Variants in SMURF1 observed in about 807,000 individuals in gnomAD.
The protein encoded by SMURF1 is SMAD specific E3 ubiquitin protein ligase 1.
SMURF1 carries 44 observed loss-of-function variants against 98.0 expected under a neutral mutation model. The ratio of observed to expected loss-of-function variants is 0.45; its 90% confidence interval spans 0.35 to 0.58. The LOEUF is 0.58. Among genes scored for constraint, SMURF1 ranks in the 20% least tolerant of loss-of-function variants. SMURF1 has a pLI of 0.00. For missense variants in SMURF1, 687 were observed against 938.4 expected (o/e 0.73, Z 3.50); for synonymous variants, 396 against 374.9 (o/e 1.06, Z -0.65).
chr7:99,113,305 C>T (rs959072843), intron 1 of SMURF1, among the ~76,000 whole-genome samples: 3 of 152,114 alleles, frequency 2.0e-5, no homozygotes, highest in African/African-American at 4.8e-5. Context: ...ATGTAGAAGG[C>T]ATCCTCAATA....
chr7:99,091,634 T>C (rs1796814536), intron 1 of SMURF1, among the ~76,000 whole-genome samples: 1 of 152,176 alleles, frequency 6.6e-6, no homozygotes, highest in African/African-American at 2.4e-5. Context: ...AGACCCTCTT[T>C]CCAGATGGTT....
chr7:99,054,548 C>T (rs1266916144), intron 6 of SMURF1, among the ~76,000 whole-genome samples: 2 of 151,788 alleles, frequency 1.3e-5, no homozygotes, highest in African/African-American at 4.8e-5. Flanking sequence ...CCTCGTGATC[C>T]ACCTGCCTCG....
At chr7:99,063,265 A>T (rs1371229924) in intron 1 of SMURF1, among the ~76,000 whole-genome samples, 9 of 8,178 alleles carry the variant, frequency 1.1e-3, no homozygotes, top group Middle Eastern at 0.056. Context: ...ATATATATAT[A>T]TATATATATA....
At chr7:99,108,911 TA>T (rs1402124019) in intron 1 of SMURF1, among the ~76,000 whole-genome samples, 1 of 152,198 alleles carries the variant, frequency 6.6e-6, no homozygotes, top group African/African-American at 2.4e-5. Context: ...GATATTAAGC[TA>T]ATGCATCGTG....
intron 3 of SMURF1, among the ~76,000 whole-genome samples, chr7:99,059,106 A>T (rs1037318440): frequency 1.3e-5 from 2 of 151,892 alleles, no homozygotes; most frequent in African/African-American, 4.8e-5. Context: ...AATTTAATTT[A>T]AAAATAAAAT....
rs571489596 is a variant in SMURF1, at chr7:99,083,507, T to A, written c.56-21670A>T. Among the ~76,000 whole-genome samples the A allele has an allele frequency of 7.2e-5, 11 of 152,376 alleles. No homozygotes were observed. The East Asian group carries it at 2.1e-3, about 29-fold the overall frequency. ...TTTTGTAAATTATTCAATGGAATGT[T>A]GATGGAGTACATTTGGGATTCACAA... On this transcript the variant is annotated intron_variant, in intron 1 of 17. Coordinates refer to ENST00000361368, the MANE Select transcript of SMURF1 (RefSeq NM_181349.3).
chr7:99,049,674 G>C lies in SMURF1; in HGVS notation c.842C>G (p.Pro281Arg). ...TCTGACTTCCCAGCCTGGCGGCAGT[G>C]GTCCAAGTTCATCACAGTTCACACT... ...LNSVNCDELG[P>R]LPPGWEVRST... The change falls in exon 9 of 18, where the codon CCA (proline) becomes CGA (arginine). Residue 281 changes from proline to arginine, a missense_variant. Physicochemically the swap from Pro to Arg is moderately radical, Grantham distance 103 (BLOSUM62 -2). Around this residue, in one of 2 missense-constraint regions of SMURF1, gnomAD observed 415 missense variants for 508.4 expected, o/e 0.82. Coordinates refer to ENST00000361368, the MANE Select transcript of SMURF1 (RefSeq NM_181349.3). The C allele has an allele frequency of 6.2e-7, 1 of 1,614,104 alleles. No homozygotes were observed. Among genetic ancestry groups the C allele is most frequent in the Non-Finnish European group, 8.5e-7 (1 of 1,180,004 alleles).
chr7:99,062,050 C>G (rs903383449), intron 1 of SMURF1, among the ~76,000 whole-genome samples: 6 of 151,554 alleles, frequency 4.0e-5, no homozygotes, highest in Non-Finnish European at 1.5e-5. Flanking sequence ...ATACAAAATG[C>G]TTTAAACTAA....
chr7:99,141,519 G>T lies in SMURF1; in HGVS notation c.55+2207C>A, dbSNP rs574105733. 5.9e-5 allele frequency among the ~76,000 whole-genome samples: 9 copies of T among 152,110 alleles called. No homozygotes were observed. The South Asian group carries it at 1.9e-3, about 31-fold the overall frequency. On this transcript the variant is annotated intron_variant, in intron 1 of 17. Transcript: ENST00000361368. ...ACATAAATAAAAATGTATCTACATT[G>T]TATCTACAAAGTGAGAAGCGTTTCC...
intron 1 of SMURF1, among the ~76,000 whole-genome samples, chr7:99,143,109 G>A (rs941511443): frequency 6.7e-6 from 1 of 148,214 alleles, no homozygotes; most frequent in African/African-American, 2.5e-5. Flanking sequence ...GCTGGACGCA[G>A]GGAGAAGCGA....
chr7:99,094,705 G>A (rs900195865), intron 1 of SMURF1, among the ~76,000 whole-genome samples: 1 of 151,238 alleles, frequency 6.6e-6, no homozygotes, highest in Non-Finnish European at 1.5e-5. Context: ...GCAAGAAGCT[G>A]TATTTTAAGA....
chr7:99,097,609 G>A (rs1796984409), intron 1 of SMURF1, among the ~76,000 whole-genome samples: 1 of 152,076 alleles, frequency 6.6e-6, no homozygotes, highest in African/African-American at 2.4e-5. Flanking sequence ...CCCTGATATT[G>A]GACTACCCAG....
chr7:99,037,203 G>A lies in SMURF1; in HGVS notation c.1689-16C>T, dbSNP rs763087899. On this transcript the variant is annotated splice_polypyrimidine_tract_variant and intron_variant, in intron 14 of 17. Coordinates refer to ENST00000361368, the MANE Select transcript of SMURF1 (RefSeq NM_181349.3). ...TACATACAACCTGGAAGAAAAACTC[G>A]CAAGTTGGATGCAACACCAAGTGGA... 2.7e-5 allele frequency: 43 copies of A among 1,613,526 alleles called. No individual in the cohort carries two copies. The highest frequency in any genetic ancestry group is 1.3e-4 in the East Asian group (6 of 44,888).
At chr7:99,098,019 C>A (rs781337740) in intron 1 of SMURF1, among the ~76,000 whole-genome samples, 14 of 152,036 alleles carry the variant, frequency 9.2e-5, no homozygotes, top group Non-Finnish European at 1.8e-4. Context: ...CAGACAAAAC[C>A]CAAGTTAGCC....
At chr7:99,100,202 ATGT>A (rs1438951475) in intron 1 of SMURF1, among the ~76,000 whole-genome samples, 4 of 152,180 alleles carry the variant, frequency 2.6e-5, no homozygotes, top group Admixed American at 6.5e-5. Context: ...AAAAGGAAAG[ATGT>A]TGTACTCTAC....
In SMURF1 at chr7:99,144,015, AGCCGCCGCCGCCTCC is replaced by A; in HGVS notation, c.-250_-236del. ...CTGCTTCCAGCCGAGCCCAGTCCCGAGCCGCCGCCGCCTCCGCCGCCGCCTCCGCCGCCTCCACCA... is the reference window on the plus strand; with the variant it reads ...CTGCTTCCAGCCGAGCCCAGTCCCGAGCCGCCGCCTCCGCCGCCTCCACCA... On this transcript the variant is annotated 5_prime_UTR_variant, in exon 1 of 18. Coordinates refer to ENST00000361368, the MANE Select transcript of SMURF1 (RefSeq NM_181349.3). The A allele has an allele frequency of 6.6e-6, 2 of 303,226 alleles. No individual in the cohort carries two copies. The highest frequency in any genetic ancestry group is 5.9e-6 in the Non-Finnish European group (1 of 169,838). 18.8% of individuals were successfully genotyped at this position (303,226 alleles called of 1,614,324 possible).
chr7:99,100,050 T>G (rs1313464169), intron 1 of SMURF1, among the ~76,000 whole-genome samples: 2 of 152,106 alleles, frequency 1.3e-5, no homozygotes, highest in African/African-American at 2.4e-5. Context: ...CACAGGTTTT[T>G]TGTGTGTGTT....
At position 99,034,705 on chromosome 7, in the gene SMURF1, G is replaced by A. The variant is rs116364619; in HGVS notation, c.2011+810C>T. On this transcript the variant is annotated intron_variant, in intron 16 of 17. Transcript: ENST00000361368. ...CAGACAGAGGCTCCCAGATACGAGCGGGGCTCAGCCTCAAACCCCTTTTTA... is the reference window on the plus strand; with the variant it reads ...CAGACAGAGGCTCCCAGATACGAGCAGGGCTCAGCCTCAAACCCCTTTTTA... Among the ~76,000 whole-genome samples, 1,184 of 152,240 alleles carry A rather than the reference G, an allele frequency of 7.8e-3. 10 individuals carry two copies. Among genetic ancestry groups the A allele is most frequent in the Middle Eastern group, 0.024 (7 of 294 alleles).
intron 5 of SMURF1, among the ~76,000 whole-genome samples, chr7:99,056,872 A>G (rs1290360552): frequency 2.0e-5 from 3 of 151,578 alleles, no homozygotes; most frequent in African/African-American, 7.3e-5. Context: ...GCGTGGTGGC[A>G]CACACCTGTG....
Sources: gnomAD v4.1 joint callset for allele counts (sites outside exome capture counted in the v4.1 genomes callset) on GRCh38, gnomAD v4.1.1 for gene constraint, gnomAD v4.1.1 regional missense constraint, MANE v1.5 for transcripts, NCBI Gene and HGNC (gene_info 2026-07-23, HGNC 2026-07-21) for gene names.